Variants in PTPRG observed in about 807,000 individuals in gnomAD.
PTPRG encodes the protein protein tyrosine phosphatase receptor type G, also known as receptor-type tyrosine-protein phosphatase gamma.
Under a neutral mutation model 165.3 loss-of-function variants are expected in PTPRG, and 102 were observed. The observed-to-expected ratio is 0.62, with a 90% CI of 0.53 to 0.73. The LOEUF is 0.73. PTPRG is among the 30% of genes least tolerant of loss of function. The pLI is 0.00. For missense variants in PTPRG, 1,866 were observed against 1,861.4 expected, an observed-to-expected ratio of 1.00 and a Z score of -0.05; for synonymous variants, 675 against 669.5, an observed-to-expected ratio of 1.01 and a Z score of -0.13.
In PTPRG at chr3:61,986,068, A is replaced by T. The variant is rs143560620; in HGVS notation, c.191-3557A>T. ...GTAGATAGATGGGTAAACTCAAACTAAAATAAATATGACAATGATCATATT... is the reference window on the plus strand; with the variant it reads ...GTAGATAGATGGGTAAACTCAAACTTAAATAAATATGACAATGATCATATT... On this transcript the variant is annotated intron_variant, in intron 2 of 29. Coordinates refer to ENST00000474889, the MANE Select transcript of PTPRG (RefSeq NM_002841.4). Among the ~76,000 whole-genome samples the T allele has an allele frequency of 4.1e-4, 62 of 151,504 alleles. 1 individual carries two copies. The highest frequency in any genetic ancestry group is 1.5e-3 in the African/African-American group (61 of 40,798).
Position 62,057,781 on chromosome 3 carries a change from A to T in PTPRG, c.520-20382A>T, listed in dbSNP as rs149336791. Among the ~76,000 whole-genome samples, 958 of 152,330 alleles carry T rather than the reference A, an allele frequency of 6.3e-3. 10 individuals carry two copies. The highest frequency in any genetic ancestry group is 0.022 in the African/African-American group (904 of 41,580). Reference sequence around the variant, plus strand: ...CAAAAAGGTAATGCCCAAGAACTCCAAATGGGTCCTAATGTGCTGTTTAAG... The same window carrying T: ...CAAAAAGGTAATGCCCAAGAACTCCTAATGGGTCCTAATGTGCTGTTTAAG... On this transcript the variant is annotated intron_variant, in intron 4 of 29. Transcript: ENST00000474889.
intron 1 of PTPRG, among the ~76,000 whole-genome samples, chr3:61,573,444 C>G (rs1421602025): frequency 6.6e-6 from 1 of 152,268 alleles, no homozygotes; most frequent in Middle Eastern, 3.4e-3. Flanking sequence ...TTTACAACAA[C>G]AACATGCGAA....
intron 1 of PTPRG, among the ~76,000 whole-genome samples, chr3:61,630,886 T>C: frequency 6.6e-6 from 1 of 151,892 alleles, no homozygotes; most frequent in Non-Finnish European, 1.5e-5. Context: ...TAAAATCGTG[T>C]CTCTACTAAA....
At chr3:61,663,390 A>G (rs1702720131) in intron 1 of PTPRG, among the ~76,000 whole-genome samples, 1 of 152,180 alleles carries the variant, frequency 6.6e-6, no homozygotes, top group African/African-American at 2.4e-5. Flanking sequence ...AGCAGATGAT[A>G]CAATCTTTTT....
At chr3:61,685,852 G>A (rs768884440) in intron 1 of PTPRG, among the ~76,000 whole-genome samples, 7 of 152,170 alleles carry the variant, frequency 4.6e-5, no homozygotes, top group Non-Finnish European at 8.8e-5. Flanking sequence ...CTTTGTCAGT[G>A]TAATTGACTG....
At chr3:61,614,223 T>A (rs1053590382) in intron 1 of PTPRG, among the ~76,000 whole-genome samples, 1 of 152,044 alleles carries the variant, frequency 6.6e-6, no homozygotes, top group Non-Finnish European at 1.5e-5. Context: ...TGCCTCCCCA[T>A]CCTTCTGTTA....
chr3:61,885,031 T>C (rs920486219), intron 2 of PTPRG, among the ~76,000 whole-genome samples: 2 of 152,178 alleles, frequency 1.3e-5, no homozygotes, highest in African/African-American at 4.8e-5. Flanking sequence ...ATAATCTTGA[T>C]GTGTGGTGTT....
At chr3:62,056,527 A>G (rs114768866) in intron 4 of PTPRG, among the ~76,000 whole-genome samples, 1,637 of 152,326 alleles carry the variant, frequency 0.011, 21 homozygotes, top group African/African-American at 0.037. Flanking sequence ...CCCCTGGTCT[A>G]AATACAAAAC....
intron 24 of PTPRG, 61 bp downstream of exon 24, chr3:62,276,027 G>A (rs909807135): frequency 2.4e-6 from 3 of 1,248,154 alleles, no homozygotes; most frequent in African/African-American, 3.0e-5. Context: ...TAGGTACAGA[G>A]GCAGCCACTA....
intron 2 of PTPRG, among the ~76,000 whole-genome samples, chr3:61,985,902 T>G (rs544975971): frequency 6.6e-6 from 1 of 152,290 alleles, no homozygotes; most frequent in African/African-American, 2.4e-5. Context: ...CATGGACATC[T>G]CATATTTGCA....
chr3:62,163,923 G>T (rs1704866244), intron 7 of PTPRG, among the ~76,000 whole-genome samples: 1 of 152,234 alleles, frequency 6.6e-6, no homozygotes, highest in Non-Finnish European at 1.5e-5. Flanking sequence ...AGGGGTAAGG[G>T]TTTTGAATTT....
chr3:61,669,541 T>TA (rs1414078283), intron 1 of PTPRG, among the ~76,000 whole-genome samples: 1 of 152,164 alleles, frequency 6.6e-6, no homozygotes, highest in East Asian at 1.9e-4. Flanking sequence ...ACAGTTCCAT[T>TA]TCAGATAGAG....
At chr3:62,094,516 A>G (rs1702045245) in intron 5 of PTPRG, among the ~76,000 whole-genome samples, 1 of 152,152 alleles carries the variant, frequency 6.6e-6, no homozygotes, top group Non-Finnish European at 1.5e-5. Context: ...CATTCCGTTG[A>G]ATACCTATGG....
intron 1 of PTPRG, among the ~76,000 whole-genome samples, chr3:61,652,713 C>G (rs1258634160): frequency 6.6e-6 from 1 of 152,176 alleles, no homozygotes; most frequent in East Asian, 1.9e-4. Context: ...CCCGATAGTT[C>G]TGTGTTGCTG....
Position 62,003,353 on chromosome 3 carries a change from C to T in PTPRG, c.375C>T (p.Ala125=), listed in dbSNP as rs2041220436. The part of the protein sequence containing the change: ...TWMKNTGKTV[A]ILLKDDYFVS... ...CTTCTCATTTGTTTCACACAGTCGC[C>T]ATCCTTCTGAAAGACGACTATTTTG... Residue 125 remains alanine (A), a synonymous_variant, in exon 4 of 30, where the codon GCC becomes GCT. Transcript: ENST00000474889. The T allele has an allele frequency of 6.2e-7, 1 of 1,613,552 alleles. No homozygotes were observed. Among genetic ancestry groups the T allele is most frequent in the South Asian group, 1.1e-5 (1 of 90,996 alleles).
chr3:62,239,360 C>CTTTTTTTTTTTTT (rs776921598), intron 14 of PTPRG, among the ~76,000 whole-genome samples: 5 of 124,538 alleles, frequency 4.0e-5, no homozygotes, highest in African/African-American at 9.2e-5. Flanking sequence ...TTTTTTCTTT[C>CTTTTTTTTTTTTT]TTTTTTTTTT....
Position 61,733,712 on chromosome 3 carries a change from T to C in PTPRG, c.86-15166T>C, listed in dbSNP as rs574082784. Among the ~76,000 whole-genome samples the C allele has an allele frequency of 5.3e-5, 8 of 152,352 alleles. No homozygotes were observed. In the South Asian group the frequency reaches 1.7e-3, roughly 32 times the overall value. On this transcript the variant is annotated intron_variant, in intron 1 of 29. Coordinates refer to ENST00000474889, the MANE Select transcript of PTPRG (RefSeq NM_002841.4). ...TTCTTCCCAAAACATAAATTAAAAA[T>C]CTTTGTTTCTGCCACAATATCTTTA...
chr3:62,261,555 C>T (rs866958184), intron 16 of PTPRG, among the ~76,000 whole-genome samples: 6 of 150,558 alleles, frequency 4.0e-5, no homozygotes, highest in African/African-American at 1.5e-4. Context: ...TCATTAAACA[C>T]ACTTTCCCAG....
intron 5 of PTPRG, among the ~76,000 whole-genome samples, chr3:62,108,042 C>T (rs73094481): frequency 0.33 from 48,666 of 149,316 alleles, 8,007 homozygotes; most frequent in Middle Eastern, 0.36. Context: ...ATTTCTCTCT[C>T]GCTCTTTTTT....
Sources: gnomAD v4.1 joint callset for allele counts (sites outside exome capture counted in the v4.1 genomes callset) on GRCh38, gnomAD v4.1.1 for gene constraint, MANE v1.5 for transcripts, NCBI Gene and HGNC (gene_info 2026-07-23, HGNC 2026-07-21) for gene names.